The following GPR146 variants were observed in gnomAD, a reference collection of about 807,000 sequenced individuals.
GPR146 encodes G protein-coupled receptor 146.
For synonymous variants in GPR146, 203 were observed against 104.3 expected, an observed-to-expected ratio of 1.95 and a Z score of -5.77; for missense variants, 381 against 213.9, an observed-to-expected ratio of 1.78 and a Z score of -4.87.
chr7:1,057,780 A>G lies in GPR146; in HGVS notation c.265A>G (p.Ser89Gly). 1.3e-6 allele frequency: 1 copy of G among 775,298 alleles called. No homozygotes were observed. Among genetic ancestry groups the G allele is most frequent in the Non-Finnish European group, 2.4e-6 (1 of 417,698 alleles). The allele number at this position is 775,298 out of a possible 1,614,324, so 48.0% of individuals were successfully genotyped here. The change falls in exon 2 of 2, where the codon AGC (serine) becomes GGC (glycine). Residue 89 changes from serine (S) to glycine (G), a missense_variant. Ser to Gly is a moderately conservative substitution (Grantham distance 56, BLOSUM62 0). Coordinates refer to ENST00000444847, the MANE Select transcript of GPR146 (RefSeq NM_001303473.2). Reference protein sequence around the residue: ...LAPVHLLGPPSSRWALWSVGG... With the variant: ...LAPVHLLGPPGSRWALWSVGG... ...CCCTGTGCACCTGCTCGGCCCCCCGAGCTCCCGGTGGGCGCTGTGGAGTGT... is the reference window on the plus strand; with the variant it reads ...CCCTGTGCACCTGCTCGGCCCCCCGGGCTCCCGGTGGGCGCTGTGGAGTGT...
At position 1,052,972 on chromosome 7, in the gene GPR146, C is replaced by T. The variant is rs1032238247; in HGVS notation, c.-24-4520C>T. Among the ~76,000 whole-genome samples the T allele has an allele frequency of 1.3e-5, 2 of 152,150 alleles. No homozygotes were observed. The highest frequency in any genetic ancestry group is 4.8e-5 in the African/African-American group (2 of 41,444). On this transcript the variant is annotated intron_variant, in intron 1 of 1. Transcript: ENST00000444847. This position sits in a 1 kb window ranked among gnomAD's most constrained non-coding sequence, Gnocchi z 4.2. ...TCATCTGGGCTTTCTCTCCCAGCCTCTAAGTCTCCCATCACCTGGCTCCCC... is the reference window on the plus strand; with the variant it reads ...TCATCTGGGCTTTCTCTCCCAGCCTTTAAGTCTCCCATCACCTGGCTCCCC...
chr7:1,048,941 G>A (rs556490500), intron 1 of GPR146, among the ~76,000 whole-genome samples: 5 of 152,304 alleles, frequency 3.3e-5, no homozygotes, highest in South Asian at 2.1e-4. Flanking sequence ...GTGAAACATC[G>A]GGAAATTCAT....
intron 1 of GPR146, among the ~76,000 whole-genome samples, chr7:1,047,569 T>C (rs73048371): frequency 3.9e-5 from 6 of 152,368 alleles, no homozygotes; most frequent in Admixed American, 6.5e-5. Context: ...CTGGGTTCAT[T>C]ACTACAAAAG....
intron 1 of GPR146, chr7:1,045,822 G>A (rs1363021759): frequency 6.6e-6 from 1 of 152,266 alleles, no homozygotes; most frequent in Non-Finnish European, 1.5e-5. Flanking sequence ...CAGAGAAGAG[G>A]TCGGGGCCAG....
intron 1 of GPR146, 80 bp from the exon 2 acceptor site, chr7:1,057,412 G>A (rs769426663): frequency 1.6e-4 from 97 of 614,330 alleles, no homozygotes; most frequent in Middle Eastern, 3.5e-4. Flanking sequence ...CCAGGAGAAG[G>A]CACCCCTGTA....
At chr7:1,044,980 C>T (rs921724790) in intron 1 of GPR146, among the ~76,000 whole-genome samples, 15 of 152,268 alleles carry the variant, frequency 9.9e-5, no homozygotes, top group African/African-American at 3.6e-4. Flanking sequence ...ACTGATCCTG[C>T]TCTCCTGGGC....
At chr7:1,055,636 T>G (rs555516794) in intron 1 of GPR146, among the ~76,000 whole-genome samples, 67 of 151,900 alleles carry the variant, frequency 4.4e-4, no homozygotes, top group African/African-American at 1.5e-3. Context: ...CATCTCTAAG[T>G]AGGGAATGAA....
chr7:1,046,440 A>G (rs1411709303), intron 1 of GPR146, among the ~76,000 whole-genome samples: 1 of 152,060 alleles, frequency 6.6e-6, no homozygotes, highest in Non-Finnish European at 1.5e-5. Context: ...CAGGGCTTTC[A>G]CTAACCCACC....
At chr7:1,049,025 G>A (rs895534996) in intron 1 of GPR146, among the ~76,000 whole-genome samples, 6 of 151,986 alleles carry the variant, frequency 3.9e-5, no homozygotes, top group Admixed American at 6.5e-5. Flanking sequence ...CTGAGCGTGC[G>A]CTCCCCAGGC....
intron 1 of GPR146, among the ~76,000 whole-genome samples, chr7:1,053,773 G>A (rs1274540651): frequency 6.6e-6 from 1 of 152,216 alleles, no homozygotes; most frequent in South Asian, 2.1e-4. Context: ...GTTGCAGTGA[G>A]CTGAGATCGT....
intron 1 of GPR146, among the ~76,000 whole-genome samples, chr7:1,049,971 G>C (rs537233470): frequency 3.9e-5 from 6 of 152,226 alleles, no homozygotes; most frequent in Non-Finnish European, 8.8e-5. Context: ...CCAACAAGGA[G>C]AGCTGCCCCA....
chr7:1,054,049 T>C (rs1032241864), intron 1 of GPR146, among the ~76,000 whole-genome samples: 2 of 152,188 alleles, frequency 1.3e-5, no homozygotes, highest in Non-Finnish European at 2.9e-5. Context: ...CCTGCCTTCC[T>C]TCCATGCCTC....
intron 1 of GPR146, among the ~76,000 whole-genome samples, chr7:1,051,363 G>A (rs1046154211): frequency 1.3e-5 from 2 of 152,238 alleles, no homozygotes; most frequent in African/African-American, 2.4e-5. Context: ...GAGCCAGGCC[G>A]CCGAGGTTCT....
At chr7:1,053,423 C>T (rs1206659474) in intron 1 of GPR146, among the ~76,000 whole-genome samples, 4 of 152,192 alleles carry the variant, frequency 2.6e-5, no homozygotes, top group South Asian at 2.1e-4. Flanking sequence ...GGGTCGGGCA[C>T]GCGTCACGAG....
intron 1 of GPR146, among the ~76,000 whole-genome samples, chr7:1,050,794 C>T (rs1041275396): frequency 6.6e-6 from 1 of 152,206 alleles, no homozygotes; most frequent in African/African-American, 2.4e-5. Flanking sequence ...AGCTGAGGAC[C>T]CAGAGACGGG....
chr7:1,048,872 C>T (rs1228162098), intron 1 of GPR146, among the ~76,000 whole-genome samples: 1 of 152,234 alleles, frequency 6.6e-6, no homozygotes, highest in Non-Finnish European at 1.5e-5. Context: ...TCCCATGTTC[C>T]TTTGAAAGCA....
At chr7:1,051,908 G>T (rs1783147785) in intron 1 of GPR146, among the ~76,000 whole-genome samples, 2 of 152,222 alleles carry the variant, frequency 1.3e-5, no homozygotes, top group Non-Finnish European at 2.9e-5. Context: ...AGCCCAGGAG[G>T]CAGAGGGTGC....
chr7:1,045,493 G>A (rs1782491957), intron 1 of GPR146: 1 of 152,220 alleles, frequency 6.6e-6, no homozygotes, highest in Non-Finnish European at 1.5e-5. Context: ...GGGCCAAGAG[G>A]CTTGCTTTAA....
chr7:1,045,423 C>T (rs1191366458), intron 1 of GPR146: 1 of 152,220 alleles, frequency 6.6e-6, no homozygotes, highest in Non-Finnish European at 1.5e-5. Context: ...CGGAACAGCA[C>T]GACATCTTTT....
Sources: gnomAD v4.1 joint callset for allele counts (sites outside exome capture counted in the v4.1 genomes callset) on GRCh38, gnomAD v4.1.1 for gene constraint, Gnocchi (gnomAD v3.1) non-coding constraint, MANE v1.5 for transcripts, NCBI Gene and HGNC (gene_info 2026-07-23, HGNC 2026-07-21) for gene names.